Variants in RBFOX2 observed in about 807,000 individuals in gnomAD.
RBFOX2 encodes the protein RNA binding protein fox-1 homolog 2.
RBFOX2 carries 10 observed loss-of-function variants against 49.1 expected under a neutral mutation model. That is an observed-to-expected ratio of 0.20 (90% confidence interval 0.13 to 0.35). RBFOX2 has a LOEUF of 0.35. Ranked by LOEUF, RBFOX2 falls within the 10% of genes least tolerant of loss-of-function variation. RBFOX2 has a pLI of 1.00. For missense variants in RBFOX2, 323 were observed against 486.9 expected (o/e 0.66, Z 3.17); for synonymous variants, 183 against 187.4 (o/e 0.98, Z 0.19).
intron 1 of RBFOX2, among the ~76,000 whole-genome samples, chr22:36,024,290 C>T (rs192863190): frequency 1.1e-3 from 165 of 152,222 alleles, no homozygotes; most frequent in African/African-American, 3.8e-3. Flanking sequence ...CTTTTAGAAG[C>T]TTACAATCTT....
rs34132594 is a variant in RBFOX2 at position 35,969,503 on chromosome 22, G to A, written c.187-30606C>T. Reference sequence around the variant, plus strand: ...GCACAAGAATCACTTGAACTCAGGAGGTCGAGGTTGCAGTGAGCCGAGATC... The same window carrying A: ...GCACAAGAATCACTTGAACTCAGGAAGTCGAGGTTGCAGTGAGCCGAGATC... On this transcript the variant is annotated intron_variant, in intron 1 of 13. Coordinates refer to the RBFOX2 transcript ENST00000438146. Among the ~76,000 whole-genome samples, 51 of 152,218 alleles carry A rather than the reference G, an allele frequency of 3.4e-4. 1 individual carries two copies. Among genetic ancestry groups the A allele is most frequent in the African/African-American group, 1.2e-3 (49 of 41,526 alleles).
chr22:36,025,743 A>G (rs949454247), intron 1 of RBFOX2, among the ~76,000 whole-genome samples: 4 of 152,192 alleles, frequency 2.6e-5, no homozygotes, highest in Non-Finnish European at 4.4e-5. Flanking sequence ...GTAACTTAGA[A>G]CTTGGCCGGG....
chr22:35,994,226 A>C (rs891265045), intron 1 of RBFOX2: 1 of 151,988 alleles, frequency 6.6e-6, no homozygotes, highest in Non-Finnish European at 1.5e-5. Flanking sequence ...ATTTTATTGA[A>C]TCCAACACAG....
intron 1 of RBFOX2, among the ~76,000 whole-genome samples, chr22:35,896,048 T>C (rs1332955317): frequency 6.6e-6 from 1 of 152,180 alleles, no homozygotes; most frequent in Admixed American, 6.5e-5. Flanking sequence ...TCAATGCCCA[T>C]ACGTGTTCCT....
intron 3 of RBFOX2, among the ~76,000 whole-genome samples, chr22:35,778,582 T>C (rs1159890248): frequency 6.6e-6 from 1 of 152,126 alleles, no homozygotes; most frequent in African/African-American, 2.4e-5. Flanking sequence ...CATTCCAGGC[T>C]TTCCCTCAGG....
chr22:35,854,978 A>C (rs950700059), intron 1 of RBFOX2, among the ~76,000 whole-genome samples: 1 of 152,168 alleles, frequency 6.6e-6, no homozygotes, highest in Non-Finnish European at 1.5e-5. Context: ...TCTTCAGAAT[A>C]ATGTAGCCTC....
intron 4 of RBFOX2, among the ~76,000 whole-genome samples, chr22:35,770,057 T>A (rs1196992559): frequency 1.3e-5 from 2 of 152,196 alleles, no homozygotes; most frequent in Non-Finnish European, 2.9e-5. Context: ...CATATTTTTA[T>A]AAATGAAATT....
At chr22:36,016,756 T>C (rs531784744) in intron 1 of RBFOX2, among the ~76,000 whole-genome samples, 14 of 152,330 alleles carry the variant, frequency 9.2e-5, no homozygotes, top group African/African-American at 3.4e-4. Flanking sequence ...ATCACCATCA[T>C]TTGACAATTC....
intron 9 of RBFOX2, chr22:35,747,975 C>T (rs1247761943): frequency 6.6e-6 from 1 of 152,244 alleles, no homozygotes; most frequent in African/African-American, 2.4e-5. Flanking sequence ...TCTTAACCAT[C>T]TTGCATGGCA....
intron 1 of RBFOX2, among the ~76,000 whole-genome samples, chr22:36,013,802 GA>G (rs1012866124): frequency 3.3e-5 from 5 of 152,080 alleles, no homozygotes; most frequent in African/African-American, 7.2e-5. Flanking sequence ...AAGGAGGGGG[GA>G]TAACAGACAA....
chr22:35,934,652 A>C (rs2052839583), intron 1 of RBFOX2, among the ~76,000 whole-genome samples: 1 of 152,190 alleles, frequency 6.6e-6, no homozygotes, highest in Non-Finnish European at 1.5e-5. Flanking sequence ...GAAACCCCTA[A>C]GAGCCATCCC....
chr22:35,817,659 C>G (rs1191909395), intron 1 of RBFOX2, among the ~76,000 whole-genome samples: 1 of 151,922 alleles, frequency 6.6e-6, no homozygotes, highest in African/African-American at 2.4e-5. Flanking sequence ...GAAATGTAGG[C>G]CTCACAATGG....
chr22:36,022,509 A>G (rs1303134152), intron 1 of RBFOX2, among the ~76,000 whole-genome samples: 1 of 152,190 alleles, frequency 6.6e-6, no homozygotes, highest in Admixed American at 6.5e-5. Flanking sequence ...TCTCAAATAC[A>G]TTTCCAGTTT....
Position 35,927,877 on chromosome 22 carries a change from C to G in RBFOX2, c.-34+10970G>C, listed in dbSNP as rs541827182. On this transcript the variant is annotated intron_variant, in intron 1 of 13. Transcript: ENST00000359369. ...GATGTCCAACAGCTAGATTCCTGAG[C>G]TAGAAATTTCAAATCTACAGATAAT... 3.9e-5 allele frequency among the ~76,000 whole-genome samples: 6 copies of G among 152,116 alleles called. No homozygotes were observed. The South Asian group carries it at 1.0e-3, about 26-fold the overall frequency.
intron 1 of RBFOX2, among the ~76,000 whole-genome samples, chr22:35,922,959 G>T (rs1462603239): frequency 6.6e-6 from 1 of 152,114 alleles, no homozygotes; most frequent in African/African-American, 2.4e-5. Flanking sequence ...CTTCAGTCAG[G>T]TATGAAGTGC....
At chr22:35,785,720 G>A (rs76513288) in intron 2 of RBFOX2, among the ~76,000 whole-genome samples, 1,619 of 152,290 alleles carry the variant, frequency 0.011, 21 homozygotes, top group African/African-American at 0.038. Context: ...GCTTAAATGT[G>A]CAATGATTCA....
At chr22:35,983,491 A>G (rs900245494) in intron 1 of RBFOX2, among the ~76,000 whole-genome samples, 3 of 152,120 alleles carry the variant, frequency 2.0e-5, no homozygotes, top group African/African-American at 7.2e-5. Context: ...TACTTTTAGG[A>G]GATGCTGATT....
chr22:35,764,321 A>C (rs1363435108), intron 6 of RBFOX2, among the ~76,000 whole-genome samples: 1 of 152,156 alleles, frequency 6.6e-6, no homozygotes, highest in Non-Finnish European at 1.5e-5. Context: ...ATGGTGGCTC[A>C]CGCCTGTAAT....
At chr22:35,788,402 C>A (rs1946877375) in intron 2 of RBFOX2, among the ~76,000 whole-genome samples, 1 of 152,054 alleles carries the variant, frequency 6.6e-6, no homozygotes, top group African/African-American at 2.4e-5. Flanking sequence ...TCCCCCCCGT[C>A]CCCCAATAGA....
Sources: gnomAD v4.1 joint callset for allele counts (sites outside exome capture counted in the v4.1 genomes callset) on GRCh38, gnomAD v4.1.1 for gene constraint, MANE v1.5 for transcripts, NCBI Gene and HGNC (gene_info 2026-07-23, HGNC 2026-07-21) for gene names.